PDGFA: variants seen among roughly 807,000 people sequenced by gnomAD.
PDGFA encodes platelet derived growth factor subunit A, also known as platelet-derived growth factor subunit A.
Under a neutral mutation model 25.6 loss-of-function variants are expected in PDGFA, and 9 were observed. The ratio of observed to expected loss-of-function variants is 0.35; its 90% CI spans 0.21 to 0.61. The LOEUF (loss-of-function observed/expected upper bound fraction) is 0.61, where lower values mean the gene tolerates loss of function less well. PDGFA is among the 20% of genes least tolerant of loss of function. PDGFA has a pLI of 0.75. For synonymous variants in PDGFA, 133 were observed against 111.8 expected (o/e 1.19, Z -1.20); for missense variants, 242 against 272.8 (o/e 0.89, Z 0.79).
At chr7:497,962 A>AAC (rs1782154158) in exon 6 of PDGFA, 6 of 135,946 alleles carry the variant, frequency 4.4e-5, no homozygotes, top group South Asian at 2.4e-4. Flanking sequence ...AAAAAAACAA[A>AAC]AAAAAAAAAA....
chr7:512,504 G>C (rs746617738), intron 2 of PDGFA, 49 bp from the exon 3 acceptor site: 10 of 1,611,898 alleles, frequency 6.2e-6, no homozygotes, highest in Non-Finnish European at 8.5e-7. Flanking sequence ...CGTGCGCTGT[G>C]CCCTGGGCCT....
intron 2 of PDGFA, among the ~76,000 whole-genome samples, chr7:516,874 C>T (rs1783127458): frequency 6.6e-6 from 1 of 152,194 alleles, no homozygotes; most frequent in Non-Finnish European, 1.5e-5. Flanking sequence ...CTTCTGCAGC[C>T]ACAGAGGCCC....
chr7:511,021 C>G, intron 3 of PDGFA, 25 bp from the exon 4 acceptor site: 1 of 1,595,480 alleles, frequency 6.3e-7, no homozygotes, highest in East Asian at 2.2e-5. Context: ...GCACAGTGAG[C>G]GGGGACCGGC....
chr7:505,772 GA>G (rs1485911213), intron 4 of PDGFA, among the ~76,000 whole-genome samples: 1 of 152,166 alleles, frequency 6.6e-6, no homozygotes, highest in African/African-American at 2.4e-5. Flanking sequence ...CTCTTTCACG[GA>G]AAGAAAGCCT....
rs772613875 is a variant in PDGFA, at chr7:507,586, C to T, written c.453+3223G>A. 1.9e-4 allele frequency among the ~76,000 whole-genome samples: 29 copies of T among 152,208 alleles called. 1 individual carries two copies. The highest frequency in any genetic ancestry group is 3.5e-4 in the Non-Finnish European group (24 of 68,018). On this transcript the variant is annotated intron_variant, in intron 4 of 5. Coordinates refer to ENST00000402802, the Ensembl canonical transcript of PDGFA. Reference sequence around the variant, plus strand: ...TGGGAAGGGCAGGGGCTGCACAAGGCTGAGCCATGGGCTGAGAGCCTCTCC... The same window carrying T: ...TGGGAAGGGCAGGGGCTGCACAAGGTTGAGCCATGGGCTGAGAGCCTCTCC...
In PDGFA at chr7:500,493, G is replaced by A. The variant is rs1782281575; in HGVS notation, c.580+623C>T. On this transcript the variant is annotated intron_variant, in intron 5 of 5. Coordinates refer to ENST00000402802, the Ensembl canonical transcript of PDGFA. The surrounding 1 kb of genome is among the most constrained non-coding windows in gnomAD (Gnocchi z 5.0). ...TTTCCGTTTTTTACCTGACTCCCTA[G>A]GCCTTCCTGTTAACAAAAGGGCAGG... is the stretch of plus-strand genomic sequence containing the variant. The A allele has an allele frequency of 6.2e-7, 1 of 1,614,018 alleles. No homozygotes were observed. The highest frequency in any genetic ancestry group is 2.2e-5 in the East Asian group (1 of 44,882).
chr7:519,646 G>GGGCCGGGCAGCGCCCGC (rs1783280649), upstream of PDGFA, among the ~76,000 whole-genome samples: 6 of 145,702 alleles, frequency 4.1e-5, 1 homozygote, highest in Admixed American at 4.1e-4. Context: ...CCGCTCGCCG[G>GGGCCGGGCAGCGCCCGC]GGCCGGGCAG....
intron 4 of PDGFA, among the ~76,000 whole-genome samples, chr7:504,890 C>A (rs1019151968): frequency 6.6e-6 from 1 of 152,224 alleles, no homozygotes; most frequent in East Asian, 1.9e-4. Flanking sequence ...CCGGCCACCG[C>A]GGGCGCGTGG....
chr7:516,002 C>CG (rs1177678426), intron 2 of PDGFA, among the ~76,000 whole-genome samples: 2 of 119,544 alleles, frequency 1.7e-5, no homozygotes, highest in Non-Finnish European at 3.5e-5. Context: ...GCTAGCACCC[C>CG]CCCCCAGAAA....
Position 500,660 on chromosome 7 carries a change from A to G in PDGFA, c.580+456T>C. On this transcript the variant is annotated intron_variant, in intron 5 of 5. Transcript: ENST00000402802. This position sits in a 1 kb window ranked among gnomAD's most constrained non-coding sequence, Gnocchi z 5.0. ...GAGTCCCCTCATGCTCCCAGGGCCC[A>G]GCCATAGCAGGGCACAGAAGCCATT... 1 of 1,463,180 alleles carries G rather than the reference A, an allele frequency of 6.8e-7. No individual in the cohort carries two copies. The highest frequency in any genetic ancestry group is 1.4e-5 in the South Asian group (1 of 71,216). 90.6% of individuals were successfully genotyped at this position (1,463,180 alleles called of 1,614,324 possible). A position where few individuals can be genotyped will look rare whatever the true frequency, so the allele number is the denominator to read the frequency against.
At chr7:508,100 C>T (rs373246449) in intron 4 of PDGFA, among the ~76,000 whole-genome samples, 8 of 152,078 alleles carry the variant, frequency 5.3e-5, no homozygotes, top group Non-Finnish European at 1.0e-4. Flanking sequence ...CTAAAGTGCC[C>T]GGTCGTGTGA....
chr7:508,407 G>A (rs1163135430), intron 4 of PDGFA, among the ~76,000 whole-genome samples: 1 of 151,588 alleles, frequency 6.6e-6, no homozygotes, highest in Non-Finnish European at 1.5e-5. Flanking sequence ...ACTCTGCAAA[G>A]AATTTAAAAA....
In PDGFA at chr7:505,809, C is replaced by A. The variant is rs144741164; in HGVS notation, c.454-4567G>T. Reference sequence around the variant, plus strand: ...AGAGTCCAGAGCCCTGGCCCCACCGCCCCACAGCCCCACCTGGGTGTCTCT... The same window carrying A: ...AGAGTCCAGAGCCCTGGCCCCACCGACCCACAGCCCCACCTGGGTGTCTCT... On this transcript the variant is annotated intron_variant, in intron 4 of 5. Transcript: ENST00000402802. Among the ~76,000 whole-genome samples the A allele has an allele frequency of 2.6e-5, 4 of 152,296 alleles. No individual in the cohort carries two copies. The East Asian group carries it at 7.7e-4, about 29-fold the overall frequency.
At chr7:501,050 C>T (rs1311337823) in intron 5 of PDGFA, 66 bp downstream of exon 5, 4 of 1,613,392 alleles carry the variant, frequency 2.5e-6, no homozygotes, top group Non-Finnish European at 2.5e-6. Context: ...GGCCACCTAA[C>T]ACCCCAAAAG....
intron 2 of PDGFA, among the ~76,000 whole-genome samples, chr7:515,947 G>C (rs1356381693): frequency 6.6e-6 from 1 of 150,588 alleles, no homozygotes. Context: ...AGCTTCCAAA[G>C]CCAGTCCCAC....
intron 4 of PDGFA, 75 bp downstream of exon 4, chr7:510,734 G>A (rs1404316932): frequency 1.6e-5 from 6 of 386,080 alleles, no homozygotes; most frequent in Non-Finnish European, 2.8e-5. Flanking sequence ...GAGAGGAGGG[G>A]AGGGGAGAGG....
chr7:515,650 G>A (rs1342249092), intron 2 of PDGFA, among the ~76,000 whole-genome samples: 4 of 152,138 alleles, frequency 2.6e-5, no homozygotes, highest in African/African-American at 9.7e-5. Flanking sequence ...AACCTCTCAC[G>A]GACACAGGAG....
Position 500,613 on chromosome 7 carries a change from A to C in PDGFA, c.580+503T>G, listed in dbSNP as rs1583137481. On this transcript the variant is annotated intron_variant, in intron 5 of 5. Transcript: ENST00000402802. The surrounding 1 kb of genome is among the most constrained non-coding windows in gnomAD (Gnocchi z 5.0). ...TATCTTTCCAGAAGAGAAGGCCAGC[A>C]CCCTGGCACCGAGAAACTTCTGAGT... 1.3e-6 allele frequency: 2 copies of C among 1,527,192 alleles called. No homozygotes were observed. 94.6% of individuals were successfully genotyped at this position (1,527,192 alleles called of 1,614,324 possible).
Position 517,376 on chromosome 7 carries a change from G to T in PDGFA, c.160+18C>A. Reference sequence around the variant, plus strand: ...GCCCGCGCCCTCCCCGCGCGCGGAGGGAAGGGGCGCGATTTACCTACGGAG... The same window carrying T: ...GCCCGCGCCCTCCCCGCGCGCGGAGTGAAGGGGCGCGATTTACCTACGGAG... On this transcript the variant is annotated intron_variant, in intron 2 of 5. Coordinates refer to ENST00000402802, the Ensembl canonical transcript of PDGFA. This position sits in a 1 kb window ranked among gnomAD's most constrained non-coding sequence, Gnocchi z 7.4. The T allele has an allele frequency of 7.7e-7, 1 of 1,291,230 alleles. No homozygotes were observed. The highest frequency in any genetic ancestry group is 1.0e-6 in the Non-Finnish European group (1 of 982,154). 80.0% of individuals were successfully genotyped at this position (1,291,230 alleles called of 1,614,324 possible). A position where few individuals can be genotyped will look rare whatever the true frequency, so the allele number is the denominator to read the frequency against.
Sources: gnomAD v4.1 joint callset for allele counts (sites outside exome capture counted in the v4.1 genomes callset) on GRCh38, gnomAD v4.1.1 for gene constraint, Gnocchi (gnomAD v3.1) non-coding constraint, MANE v1.5 for transcripts, NCBI Gene and HGNC (gene_info 2026-07-23, HGNC 2026-07-21) for gene names.